The following GPC6 variants were observed in gnomAD, a reference collection of about 807,000 sequenced individuals.
GPC6 encodes glypican 6, also known as glypican-6.
GPC6 carries 14 observed loss-of-function variants against 55.2 expected under a neutral mutation model. The ratio of observed to expected loss-of-function variants is 0.25; its 90% CI spans 0.17 to 0.40. The LOEUF is 0.40. Among genes scored for constraint, GPC6 ranks in the 10% least tolerant of loss-of-function variants. The pLI, the probability that GPC6 is intolerant of heterozygous loss-of-function variation, is 1.00. For synonymous variants in GPC6, 278 were observed against 259.6 expected (o/e 1.07, Z -0.68); for missense variants, 641 against 708.5 (o/e 0.90, Z 1.08).
intron 1 of GPC6, among the ~76,000 whole-genome samples, chr13:93,341,705 T>G (rs1351044775): frequency 6.6e-6 from 1 of 151,518 alleles, no homozygotes; most frequent in Admixed American, 6.6e-5. Context: ...CTTTTTTTTT[T>G]TTTCTTTTTT....
At chr13:93,393,696 T>C (rs1424194458) in intron 1 of GPC6, among the ~76,000 whole-genome samples, 1 of 152,044 alleles carries the variant, frequency 6.6e-6, no homozygotes, top group Non-Finnish European at 1.5e-5. Flanking sequence ...TCCCTCAATT[T>C]TCCACCTAGA....
At chr13:94,027,939 G>T in intron 4 of GPC6, 45 bp downstream of exon 4, 1 of 1,561,692 alleles carries the variant, frequency 6.4e-7, no homozygotes, top group Non-Finnish European at 8.8e-7. Context: ...CGGGACAACA[G>T]CAAGTGTTTA....
At chr13:94,121,596 A>G (rs1166945656) in intron 4 of GPC6, among the ~76,000 whole-genome samples, 1 of 152,184 alleles carries the variant, frequency 6.6e-6, no homozygotes, top group African/African-American at 2.4e-5. Flanking sequence ...ATACACGGCA[A>G]TACTTAACGA....
At chr13:94,217,253 A>G (rs1890254041) in intron 4 of GPC6, among the ~76,000 whole-genome samples, 1 of 152,164 alleles carries the variant, frequency 6.6e-6, no homozygotes, top group African/African-American at 2.4e-5. Context: ...GTTTTATTTT[A>G]TTAGTATTAT....
intron 3 of GPC6, among the ~76,000 whole-genome samples, chr13:93,918,814 A>G (rs1442483485): frequency 5.9e-5 from 9 of 152,226 alleles, no homozygotes; most frequent in Non-Finnish European, 1.2e-4. Context: ...TGGGAGAGGT[A>G]CCATCTTTCA....
chr13:93,741,273 C>T (rs1291050516), intron 2 of GPC6, among the ~76,000 whole-genome samples: 1 of 151,794 alleles, frequency 6.6e-6, no homozygotes, highest in Non-Finnish European at 1.5e-5. Context: ...CACCACCACA[C>T]CCGGCTAATA....
chr13:94,270,380 A>G (rs1173506993), intron 4 of GPC6, among the ~76,000 whole-genome samples: 1 of 152,236 alleles, frequency 6.6e-6, no homozygotes, highest in African/African-American at 2.4e-5. Context: ...CATTGCTGAT[A>G]GGGAATATCA....
Position 93,294,810 on chromosome 13 carries a change from T to C in GPC6, c.160+67194T>C, listed in dbSNP as rs945830622. Among the ~76,000 whole-genome samples the C allele has an allele frequency of 8.9e-4, 136 of 152,212 alleles. 1 individual carries two copies. The highest frequency in any genetic ancestry group is 7.2e-3 in the Admixed American group (110 of 15,290). On this transcript the variant is annotated intron_variant, in intron 1 of 8. Coordinates refer to ENST00000377047, the MANE Select transcript of GPC6 (RefSeq NM_005708.5). ...TATTTTTGGCCCAGACTCTTCTCAA[T>C]GCTTCAGCCTCACGTATCCAACTAC...
intron 4 of GPC6, among the ~76,000 whole-genome samples, chr13:94,228,797 T>TAAAA (rs34427487): frequency 2.1e-5 from 3 of 145,396 alleles, no homozygotes; most frequent in African/African-American, 5.1e-5. Flanking sequence ...CTCTTTGGTT[T>TAAAA]AAAAAAAAAA....
At chr13:94,302,631 G>A (rs1415050691) in intron 5 of GPC6, among the ~76,000 whole-genome samples, 4 of 152,178 alleles carry the variant, frequency 2.6e-5, no homozygotes, top group Admixed American at 2.0e-4. Context: ...AAAAACAACG[G>A]CAAAGTACTC....
At chr13:93,672,911 T>G (rs1039132334) in intron 2 of GPC6, among the ~76,000 whole-genome samples, 2 of 152,150 alleles carry the variant, frequency 1.3e-5, no homozygotes, top group Non-Finnish European at 2.9e-5. Flanking sequence ...TCTTCCTGAC[T>G]TCTTTGAGTT....
intron 2 of GPC6, among the ~76,000 whole-genome samples, chr13:93,713,255 C>G (rs1883135513): frequency 6.6e-6 from 1 of 151,368 alleles, no homozygotes. Flanking sequence ...GTAGTAAACT[C>G]TAGGAGCTAC....
At chr13:94,222,550 T>C (rs1016161616) in intron 4 of GPC6, among the ~76,000 whole-genome samples, 1 of 152,098 alleles carries the variant, frequency 6.6e-6, no homozygotes, top group Admixed American at 6.6e-5. Flanking sequence ...GACTCAAGAC[T>C]AGGATGATCC....
At chr13:94,102,649 CT>C in intron 4 of GPC6, among the ~76,000 whole-genome samples, 1 of 152,084 alleles carries the variant, frequency 6.6e-6, no homozygotes, top group Admixed American at 6.6e-5. Flanking sequence ...CTTATTTATA[CT>C]TGCTTTGTGT....
chr13:94,155,506 C>G (rs143563369), intron 4 of GPC6, among the ~76,000 whole-genome samples: 1 of 152,108 alleles, frequency 6.6e-6, no homozygotes, highest in Non-Finnish European at 1.5e-5. Flanking sequence ...TCGAAAAAAG[C>G]CTAAAACTAA....
chr13:94,185,560 G>A (rs1192594648), intron 4 of GPC6, among the ~76,000 whole-genome samples: 1 of 151,716 alleles, frequency 6.6e-6, no homozygotes, highest in Non-Finnish European at 1.5e-5. Flanking sequence ...AGCCATTGGG[G>A]ATAATAGAAC....
chr13:93,865,601 T>G (rs1435089425), intron 3 of GPC6, among the ~76,000 whole-genome samples: 1 of 151,750 alleles, frequency 6.6e-6, no homozygotes, highest in Non-Finnish European at 1.5e-5. Context: ...TGTGTCATCC[T>G]TATTATGCAG....
intron 1 of GPC6, among the ~76,000 whole-genome samples, chr13:93,373,183 A>T (rs1269936792): frequency 6.6e-6 from 1 of 152,180 alleles, no homozygotes; most frequent in African/African-American, 2.4e-5. Context: ...TTTTCACCAG[A>T]GGAGATTTTT....
chr13:93,687,988 A>G (rs1016480038), intron 2 of GPC6, among the ~76,000 whole-genome samples: 4 of 152,092 alleles, frequency 2.6e-5, no homozygotes, highest in African/African-American at 7.2e-5. Context: ...TTCTTAAAAA[A>G]TGAGTTAATC....
Sources: allele counts gnomAD v4.1 joint callset (sites outside exome capture counted in the v4.1 genomes callset), GRCh38; gene constraint gnomAD v4.1.1; transcripts MANE v1.5; gene names NCBI Gene and HGNC (gene_info 2026-07-23, HGNC 2026-07-21).